The following ATP2B3 variants were observed in gnomAD, a reference collection of about 807,000 sequenced individuals.
The protein encoded by ATP2B3 is ATPase plasma membrane Ca2+ transporting 3.
ATP2B3 carries 12 observed loss-of-function variants against 70.8 expected under a neutral mutation model. The observed-to-expected ratio is 0.17, with a 90% confidence interval of 0.11 to 0.27. The LOEUF is 0.27. ATP2B3 is among the 10% of genes least tolerant of loss of function. The pLI is 1.00. For missense variants in ATP2B3, 858 were observed against 1,118.5 expected (o/e 0.77, Z 3.32); for synonymous variants, 460 against 497.8 (o/e 0.92, Z 1.01).
At chrX:153,524,574 C>G (rs1207480676) in intron 2 of ATP2B3, among the ~76,000 whole-genome samples, 1 of 111,825 alleles carries the variant, frequency 8.9e-6, no homozygotes, top group East Asian at 2.8e-4. Flanking sequence ...AGGTGAGGAT[C>G]TAAGGTGCAT....
intron 21 of ATP2B3, among the ~76,000 whole-genome samples, chrX:153,570,156 C>T (rs915310042): frequency 8.9e-6 from 1 of 112,685 alleles, no homozygotes; most frequent in Admixed American, 9.3e-5. Flanking sequence ...CAGGGCAGCA[C>T]GCGGGCTCAG....
Position 153,542,465 on chromosome X carries a change from G to T in ATP2B3, c.790+17G>T, listed in dbSNP as rs2980013. 4 of 1,208,998 alleles carry T rather than the reference G, an allele frequency of 3.3e-6. No individual in the cohort carries two copies. The highest frequency in any genetic ancestry group is 3.5e-5 in the African/African-American group (2 of 57,398). On this transcript the variant is annotated intron_variant, in intron 6 of 21. Coordinates refer to ENST00000263519, the MANE Select transcript of ATP2B3 (RefSeq NM_001001344.3). ...TGCTCTCAGGTGAGGGCCACCCTCC[G>T]GGCCAGCCTGGCACCAAGGGGCGTC...
chrX:153,531,907 A>G (rs1317221695), intron 2 of ATP2B3, among the ~76,000 whole-genome samples: 1 of 111,583 alleles, frequency 9.0e-6, no homozygotes, highest in African/African-American at 3.3e-5. Context: ...CGGTGGTGGG[A>G]TCTCGCCCTC....
At chrX:153,567,264 T>C (rs781820934) in intron 21 of ATP2B3, among the ~76,000 whole-genome samples, 2 of 113,590 alleles carry the variant, frequency 1.8e-5, no homozygotes, top group South Asian at 7.1e-4. Context: ...TAAATATTTC[T>C]GCGCTAAATC....
At chrX:153,527,124 C>A (rs1170339486) in intron 2 of ATP2B3, among the ~76,000 whole-genome samples, 1 of 112,752 alleles carries the variant, frequency 8.9e-6, no homozygotes, top group African/African-American at 3.2e-5. Flanking sequence ...GGCTTCCGGT[C>A]CTCAGAGCTG....
chrX:153,561,335 C>T (rs1263599656), intron 19 of ATP2B3, among the ~76,000 whole-genome samples: 1 of 112,083 alleles, frequency 8.9e-6, no homozygotes, highest in Admixed American at 9.4e-5. Flanking sequence ...GCTGGTCAGC[C>T]CCACTGTCTA....
At chrX:153,541,201 T>G (rs1354452714) in intron 3 of ATP2B3, among the ~76,000 whole-genome samples, 158 bp from the exon 4 acceptor site, 2 of 112,628 alleles carry the variant, frequency 1.8e-5, no homozygotes, top group Admixed American at 9.3e-5. Context: ...GCAGAAAGGC[T>G]CCTGTCTAGA....
intron 19 of ATP2B3, among the ~76,000 whole-genome samples, chrX:153,561,397 T>C (rs1363246523): frequency 1.8e-5 from 2 of 112,127 alleles, no homozygotes; most frequent in Non-Finnish European, 3.8e-5. Context: ...AATTGAGGTA[T>C]AGTAAGGCCA....
In ATP2B3 at chrX:153,556,148, G is replaced by A. The variant is rs782081961; in HGVS notation, c.2158G>A (p.Gly720Ser). 3.3e-6 allele frequency: 4 copies of A among 1,211,254 alleles called. No individual in the cohort carries two copies. Among genetic ancestry groups the A allele is most frequent in the South Asian group, 3.5e-5 (2 of 56,832 alleles). ...GGCCCGGGCCATCGCAGCCAAATGC[G>A]GCATCATCCAGCCCGGGGAGGACTT... ...NTARAIAAKC[G>S]IIQPGEDFLC... The change falls in exon 14 of 22, where the codon GGC becomes AGC. Residue 720 changes from glycine (G) to serine (S), a missense_variant. Physicochemically the swap from Gly to Ser is moderately conservative, Grantham distance 56. Coordinates refer to ENST00000263519, the MANE Select transcript of ATP2B3 (RefSeq NM_001001344.3).
chrX:153,567,590 C>T (rs2090727371), intron 21 of ATP2B3, among the ~76,000 whole-genome samples: 2 of 113,021 alleles, frequency 1.8e-5, no homozygotes, highest in Middle Eastern at 4.6e-3. Context: ...AGTGGTACCC[C>T]GGCCACCTGT....
chrX:153,563,136 C>CTTTTTTTTTT (rs36131654), intron 20 of ATP2B3, among the ~76,000 whole-genome samples: 26 of 48,800 alleles, frequency 5.3e-4, no homozygotes, highest in African/African-American at 7.7e-4. Context: ...CTGGCTTTTC[C>CTTTTTTTTTT]TTTTTTTTTT....
chrX:153,541,623 G>A (rs1336501981), intron 4 of ATP2B3, 46 bp from the exon 5 acceptor site: 6 of 1,205,284 alleles, frequency 5.0e-6, no homozygotes, highest in Non-Finnish European at 6.7e-6. Context: ...GACGGTCACA[G>A]GATGGTGATG....
chrX:153,535,646 C>T (rs956015742), intron 2 of ATP2B3, among the ~76,000 whole-genome samples: 127 of 112,494 alleles, frequency 1.1e-3, no homozygotes, highest in African/African-American at 4.0e-3. Flanking sequence ...GGACTCATGG[C>T]ATGCCCGCTG....
chrX:153,544,919 C>T (rs952182130), intron 7 of ATP2B3, among the ~76,000 whole-genome samples: 1 of 112,851 alleles, frequency 8.9e-6, no homozygotes, highest in African/African-American at 3.2e-5. Flanking sequence ...ATGCTTCCTT[C>T]GGGCCCCCAC....
intron 2 of ATP2B3, among the ~76,000 whole-genome samples, chrX:153,519,999 G>A (rs1344427984): frequency 9.0e-6 from 1 of 110,605 alleles, no homozygotes. Context: ...GAGGGTGCCT[G>A]GGGCTTCAGT....
intron 2 of ATP2B3, among the ~76,000 whole-genome samples, chrX:153,529,759 T>TC (rs1200689788): frequency 9.0e-6 from 1 of 110,632 alleles, no homozygotes; most frequent in Non-Finnish European, 1.9e-5. Flanking sequence ...CCACTGTCCG[T>TC]CCCCTCAGAT....
intron 21 of ATP2B3, among the ~76,000 whole-genome samples, chrX:153,566,082 A>G (rs1557018089): frequency 1.8e-5 from 2 of 111,609 alleles, no homozygotes; most frequent in Admixed American, 1.9e-4. Flanking sequence ...CCCCTCTCCC[A>G]CCGCAGCCCC....
chrX:153,521,151 C>T (rs985035407), intron 2 of ATP2B3, among the ~76,000 whole-genome samples: 1 of 113,143 alleles, frequency 8.8e-6, no homozygotes, highest in Non-Finnish European at 1.9e-5. Flanking sequence ...ACGCCCCGGG[C>T]TGGGTATGCC....
At chrX:153,575,763 T>C (rs1419110815) in intron 21 of ATP2B3, among the ~76,000 whole-genome samples, 3 of 110,838 alleles carry the variant, frequency 2.7e-5, no homozygotes, top group Non-Finnish European at 5.7e-5. Flanking sequence ...CAGAAGAGAG[T>C]ACCTAGACCC....
Sources: gnomAD v4.1 joint callset for allele counts (sites outside exome capture counted in the v4.1 genomes callset) on GRCh38, gnomAD v4.1.1 for gene constraint, MANE v1.5 for transcripts, NCBI Gene and HGNC (gene_info 2026-07-23, HGNC 2026-07-21) for gene names.